The following CNTN1 variants were observed in gnomAD, a reference collection of about 807,000 sequenced individuals.
CNTN1 encodes contactin 1, also known as contactin-1.
In CNTN1, 38 loss-of-function variants were observed where a neutral mutation model predicts 126.4. That is an observed-to-expected ratio of 0.30 (90% confidence interval 0.23 to 0.39). The LOEUF is 0.39. Ranked by LOEUF, CNTN1 falls within the 10% of genes least tolerant of loss-of-function variation. CNTN1 has a pLI of 1.00. For synonymous variants in CNTN1, 413 were observed against 422.6 expected (o/e 0.98, Z 0.28); for missense variants, 1,009 against 1,248.4 (o/e 0.81, Z 2.89).
At chr12:40,813,537 T>C (rs1239285793) in intron 1 of CNTN1, among the ~76,000 whole-genome samples, 1 of 152,228 alleles carries the variant, frequency 6.6e-6, no homozygotes, top group Non-Finnish European at 1.5e-5. Context: ...TTCCTTTTTA[T>C]GTCTGCATAG....
At chr12:41,066,119 A>G (rs1479340870) in intron 23 of CNTN1, among the ~76,000 whole-genome samples, 1 of 152,228 alleles carries the variant, frequency 6.6e-6, no homozygotes, top group Non-Finnish European at 1.5e-5. Flanking sequence ...AAGAATAAAA[A>G]ATAATGTCGG....
At chr12:41,004,841 A>C (rs1948451949) in intron 17 of CNTN1, among the ~76,000 whole-genome samples, 1 of 152,114 alleles carries the variant, frequency 6.6e-6, no homozygotes, top group African/African-American at 2.4e-5. Context: ...TGTGAGATGG[A>C]TCTCTTGAAG....
chr12:41,050,441 AAGAG>A (rs1029397391), intron 23 of CNTN1, among the ~76,000 whole-genome samples: 2 of 152,134 alleles, frequency 1.3e-5, no homozygotes, highest in African/African-American at 4.8e-5. Context: ...AGTGGCAAGA[AAGAG>A]AGAAGGGGGA....
At chr12:40,864,067 C>CTGGAGT (rs555083951) in intron 1 of CNTN1, among the ~76,000 whole-genome samples, 174 of 136,788 alleles carry the variant, frequency 1.3e-3, no homozygotes, top group African/African-American at 4.3e-3. Context: ...GTTGCCCAGG[C>CTGGAGT]TGGAGTGCAA....
In CNTN1 at chr12:41,054,390, T is replaced by G. The variant is rs59955757; in HGVS notation, c.2981-15569T>G. 3.1e-3 allele frequency among the ~76,000 whole-genome samples: 468 copies of G among 152,070 alleles called. 3 individuals carry two copies. Among genetic ancestry groups the G allele is most frequent in the African/African-American group, 0.011 (457 of 41,560 alleles). On this transcript the variant is annotated intron_variant, in intron 23 of 23. Coordinates refer to ENST00000551295, the MANE Select transcript of CNTN1 (RefSeq NM_001843.4). ...TGTCAATGCCTAATATCTTACCTAT[T>G]TTTCATGGAACATAACATGTATGAG...
At chr12:41,056,992 T>TG (rs1237341356) in intron 23 of CNTN1, among the ~76,000 whole-genome samples, 2 of 95,008 alleles carry the variant, frequency 2.1e-5, no homozygotes, top group Admixed American at 1.1e-4. Context: ...TATTTATAAA[T>TG]ATTATAAATA....
At chr12:40,946,973 A>G (rs1038852145) in intron 14 of CNTN1, among the ~76,000 whole-genome samples, 1 of 151,980 alleles carries the variant, frequency 6.6e-6, no homozygotes, top group Non-Finnish European at 1.5e-5. Context: ...TTCTAATTAA[A>G]GTTATGTAAT....
rs372061727 is a variant in CNTN1, at chr12:40,737,326, AGTGT to A, written c.-77+44749_-77+44752del. Reference sequence around the variant, plus strand: ...GTGTGTATATACACATATACATGGGAGTGTGTGTGTGTGTGTGTATATATGTGTG... The same window carrying A: ...GTGTGTATATACACATATACATGGGAGTGTGTGTGTGTGTATATATGTGTG... On this transcript the variant is annotated intron_variant, in intron 1 of 23. Transcript: ENST00000551295. Among the ~76,000 whole-genome samples, 14 of 119,002 alleles carry A rather than the reference AGTGT, an allele frequency of 1.2e-4. No individual in the cohort carries two copies. The South Asian group carries it at 1.4e-3, about 12-fold the overall frequency. The allele number at this position is 119,002 out of a possible 152,430, so 78.1% of individuals were successfully genotyped here. A position where few individuals can be genotyped will look rare whatever the true frequency, so the allele number is the denominator to read the frequency against.
At chr12:40,950,362 A>C (rs1272940938) in intron 14 of CNTN1, among the ~76,000 whole-genome samples, 1 of 152,168 alleles carries the variant, frequency 6.6e-6, no homozygotes, top group Non-Finnish European at 1.5e-5. Context: ...AGCATCTGAG[A>C]GTATTGGGGA....
intron 1 of CNTN1, among the ~76,000 whole-genome samples, chr12:40,815,864 T>A (rs115822038): frequency 3.3e-4 from 51 of 152,336 alleles, no homozygotes; most frequent in Middle Eastern, 6.8e-3. Context: ...CATGAAGCGA[T>A]GTTGAATTTT....
At chr12:41,030,145 C>T (rs1949118563) in intron 23 of CNTN1, among the ~76,000 whole-genome samples, 2 of 151,616 alleles carry the variant, frequency 1.3e-5, no homozygotes, top group South Asian at 2.1e-4. Context: ...CAAATCTGCA[C>T]ATATACCCCT....
At chr12:40,751,527 G>T (rs1472319603) in intron 1 of CNTN1, among the ~76,000 whole-genome samples, 1 of 151,938 alleles carries the variant, frequency 6.6e-6, no homozygotes, top group Non-Finnish European at 1.5e-5. Flanking sequence ...GTGTCTCCAG[G>T]GCACTGCAGA....
intron 3 of CNTN1, among the ~76,000 whole-genome samples, chr12:40,916,268 T>C (rs1430788431): frequency 6.6e-6 from 1 of 152,096 alleles, no homozygotes; most frequent in Non-Finnish European, 1.5e-5. Flanking sequence ...TAAGCATTTT[T>C]ATATGCATTG....
At chr12:40,839,592 C>G (rs1942199355) in intron 1 of CNTN1, among the ~76,000 whole-genome samples, 1 of 152,090 alleles carries the variant, frequency 6.6e-6, no homozygotes, top group South Asian at 2.1e-4. Flanking sequence ...GTCAGTTGAA[C>G]ACTTACAGGC....
In CNTN1 at chr12:41,029,224, G is replaced by A; in HGVS notation, c.2980+5G>A. On this transcript the variant is annotated splice_donor_5th_base_variant and intron_variant, in intron 23 of 23. Coordinates refer to ENST00000551295, the MANE Select transcript of CNTN1 (RefSeq NM_001843.4). ...TGTCTCAAGTCAAAATTTCAGGTAA[G>A]TGAGTCATTTAAGACACATTTCAAC... 1 of 1,613,976 alleles carries A rather than the reference G, an allele frequency of 6.2e-7. No individual in the cohort carries two copies. Among genetic ancestry groups the A allele is most frequent in the Non-Finnish European group, 8.5e-7 (1 of 1,179,908 alleles).
intron 15 of CNTN1, chr12:40,971,484 G>C: frequency 6.3e-7 from 1 of 1,596,532 alleles, no homozygotes; most frequent in Non-Finnish European, 8.5e-7. Flanking sequence ...CTTTCTCCCC[G>C]TCTGTGCAAG....
At chr12:40,695,932 C>T (rs1434958989) in intron 1 of CNTN1, among the ~76,000 whole-genome samples, 1 of 152,120 alleles carries the variant, frequency 6.6e-6, no homozygotes, top group Non-Finnish European at 1.5e-5. Flanking sequence ...TTACACTTAC[C>T]CTATCGGCTA....
At chr12:40,909,105 T>G (rs1470475538) in intron 2 of CNTN1, among the ~76,000 whole-genome samples, 3 of 152,094 alleles carry the variant, frequency 2.0e-5, no homozygotes, top group Non-Finnish European at 2.9e-5. Flanking sequence ...CTTACACAAC[T>G]CTTTTGCCAA....
At chr12:40,831,541 CA>C (rs951636349) in intron 1 of CNTN1, among the ~76,000 whole-genome samples, 8 of 152,122 alleles carry the variant, frequency 5.3e-5, no homozygotes, top group African/African-American at 1.9e-4. Context: ...GGTTCCCCCT[CA>C]AAATGTTTTC....
Sources: gnomAD v4.1 joint callset for allele counts (sites outside exome capture counted in the v4.1 genomes callset) on GRCh38, gnomAD v4.1.1 for gene constraint, MANE v1.5 for transcripts, NCBI Gene and HGNC (gene_info 2026-07-23, HGNC 2026-07-21) for gene names.